The following ZNF609 variants were observed in gnomAD, a reference collection of about 807,000 sequenced individuals.
ZNF609 encodes zinc finger protein 609.
In ZNF609, 11 loss-of-function variants were observed where a neutral mutation model predicts 109.5. The ratio of observed to expected loss-of-function variants is 0.10; its 90% CI spans 0.06 to 0.17. The LOEUF is 0.17. Among genes scored for constraint, ZNF609 ranks in the 10% least tolerant of loss-of-function variants. The pLI is 1.00. For synonymous variants in ZNF609, 646 were observed against 662.0 expected (o/e 0.98, Z 0.37); for missense variants, 1,559 against 1,772.4 (o/e 0.88, Z 2.16).
chr15:64,593,331 G>T, intron 2 of ZNF609: 2 of 1,322,292 alleles, frequency 1.5e-6, no homozygotes, highest in Non-Finnish European at 1.1e-6. Context: ...ATGTAAGGAG[G>T]TGAGTTCTTA....
Position 64,676,109 on chromosome 15 carries a change from C to G in ZNF609, c.3255C>G (p.Asp1085Glu). Residue 1085 changes from aspartate to glutamate, a missense_variant, in exon 5 of 10, where the codon GAC becomes GAG. Physicochemically the swap from Asp to Glu is conservative, Grantham distance 45. Around this residue, in one of 4 missense-constraint regions of ZNF609, gnomAD observed 1,204 missense variants for 1,314.1 expected, o/e 0.92. Transcript: ENST00000326648. The stretch of plus-strand genomic sequence containing the variant: ...CAGTCATCATTCCCAAGTTAGATGA[C>G]TCTTCAAAACTCCCGGGCCAGGCCC... ...AKSVIIPKLD[D>E]SSKLPGQAPE... The G allele has an allele frequency of 1.9e-6, 3 of 1,614,254 alleles. No homozygotes were observed. The highest frequency in any genetic ancestry group is 2.5e-6 in the Non-Finnish European group (3 of 1,180,038).
chr15:64,529,179 G>T, intron 2 of ZNF609: 1 of 737,848 alleles, frequency 1.4e-6, no homozygotes, highest in Non-Finnish European at 2.5e-6. Flanking sequence ...AGTTGTCATG[G>T]ATGACCTTGG....
rs1043671813 is a variant in ZNF609, at chr15:64,489,656, A to G, written c.-127-9637A>G. On this transcript the variant is annotated intron_variant, in intron 1 of 9. Coordinates refer to ENST00000326648, the MANE Select transcript of ZNF609 (RefSeq NM_015042.2). ...GCGATTCTCCTGCCTCAGCCTCCCA[A>G]GTAGCTGGGATTACAGGCACCCGCC... Among the ~76,000 whole-genome samples the G allele has an allele frequency of 5.3e-5, 8 of 151,118 alleles. No individual in the cohort carries two copies. In the East Asian group the frequency reaches 1.2e-3, roughly 22 times the overall value.
rs1383101604 is a variant in ZNF609, at chr15:64,675,184, C to T, written c.2330C>T (p.Ser777Leu). ...AAAATGGAGGGGCTCCTAAATGGCT[C>T]ATCAGACCCCCACCAAAGCCGACTG... The part of the protein sequence containing the change: ...GMKMEGLLNG[S>L]SDPHQSRLAS... The change falls in exon 5 of 10, where the codon TCA (serine) becomes TTA (leucine). Residue 777 changes from serine to leucine, a missense_variant. By Grantham distance (145) the Ser-to-Leu change is moderately radical. This residue lies in a region of ZNF609 where 1,204 missense variants were observed against 1,314.1 expected (regional missense o/e 0.92). Transcript: ENST00000326648. 6.2e-7 allele frequency: 1 copy of T among 1,614,158 alleles called. No individual in the cohort carries two copies. Among genetic ancestry groups the T allele is most frequent in the Admixed American group, 1.7e-5 (1 of 60,030 alleles).
chr15:64,550,656 C>T (rs1451567760), intron 2 of ZNF609, among the ~76,000 whole-genome samples: 1 of 151,820 alleles, frequency 6.6e-6, no homozygotes, highest in Admixed American at 6.6e-5. Context: ...ACCAACATGA[C>T]GAAACCCTGT....
intron 2 of ZNF609, among the ~76,000 whole-genome samples, chr15:64,550,700 G>A (rs1485181954): frequency 6.6e-6 from 1 of 152,074 alleles, no homozygotes; most frequent in Admixed American, 6.6e-5. Context: ...GCTGGGTGTG[G>A]TGGCACATGC....
chr15:64,681,192 A>C (rs1219970038), intron 8 of ZNF609, 117 bp from the exon 9 acceptor site: 2 of 892,232 alleles, frequency 2.2e-6, no homozygotes, highest in African/African-American at 3.3e-5. Context: ...TATCTCCAGC[A>C]AATATATCTG....
At chr15:64,629,707 G>A (rs1448303794) in intron 3 of ZNF609, among the ~76,000 whole-genome samples, 2 of 152,132 alleles carry the variant, frequency 1.3e-5, no homozygotes, top group African/African-American at 4.8e-5. Context: ...TAGCCTTTTA[G>A]CTGGATACAT....
intron 3 of ZNF609, chr15:64,653,053 C>G (rs1473229700): frequency 6.6e-6 from 1 of 152,232 alleles, no homozygotes; most frequent in Non-Finnish European, 1.5e-5. Context: ...TCTTCCTAGA[C>G]AGGGCATCCA....
intron 2 of ZNF609, among the ~76,000 whole-genome samples, chr15:64,591,766 G>GC (rs1895302267): frequency 6.6e-6 from 1 of 151,884 alleles, no homozygotes; most frequent in Admixed American, 6.6e-5. Context: ...CTGTCACTAG[G>GC]CTGGAGTGCA....
intron 2 of ZNF609, among the ~76,000 whole-genome samples, chr15:64,590,661 C>T (rs959259240): frequency 1.7e-5 from 2 of 114,886 alleles, no homozygotes; most frequent in East Asian, 5.9e-4. Flanking sequence ...ATAACACACA[C>T]ACACATATAC....
intron 2 of ZNF609, among the ~76,000 whole-genome samples, chr15:64,565,426 G>T (rs936827033): frequency 1.3e-5 from 2 of 151,860 alleles, no homozygotes; most frequent in Non-Finnish European, 2.9e-5. Flanking sequence ...TGTTTTGCTT[G>T]TCTTTAAGTG....
At chr15:64,569,790 T>C (rs1423275945) in intron 2 of ZNF609, among the ~76,000 whole-genome samples, 2 of 152,258 alleles carry the variant, frequency 1.3e-5, no homozygotes, top group East Asian at 1.9e-4. Flanking sequence ...CTTTTGTGTG[T>C]ATCATTGAGA....
intron 2 of ZNF609, among the ~76,000 whole-genome samples, chr15:64,580,059 G>A (rs1469306407): frequency 6.6e-6 from 1 of 152,128 alleles, no homozygotes; most frequent in Non-Finnish European, 1.5e-5. Flanking sequence ...TTATCCAATG[G>A]TTCCAATGTA....
At chr15:64,475,994 G>C (rs183561689) in intron 1 of ZNF609, among the ~76,000 whole-genome samples, 308 of 152,290 alleles carry the variant, frequency 2.0e-3, no homozygotes, top group Non-Finnish European at 3.6e-3. Flanking sequence ...AAATTGTTCA[G>C]ATTCAAGGAC....
intron 2 of ZNF609, among the ~76,000 whole-genome samples, chr15:64,569,792 T>C (rs1185895979): frequency 6.6e-6 from 1 of 152,368 alleles, no homozygotes; most frequent in East Asian, 1.9e-4. Flanking sequence ...TTTGTGTGTA[T>C]CATTGAGAGC....
Position 64,675,243 on chromosome 15 carries a change from A to G in ZNF609, c.2389A>G (p.Ser797Gly). 6.2e-7 allele frequency: 1 copy of G among 1,614,086 alleles called. No homozygotes were observed. The highest frequency in any genetic ancestry group is 1.1e-5 in the South Asian group (1 of 91,086). ...SIKAEADKIY[S>G]FTDNAPSPSI... The stretch of plus-strand genomic sequence containing the variant: ...CAAGGCTGAAGCCGACAAGATCTAC[A>G]GTTTCACGGACAATGCCCCCAGCCC... Residue 797 changes from serine to glycine, a missense_variant, in exon 5 of 10, where the codon AGT becomes GGT. Ser to Gly is a moderately conservative substitution (Grantham distance 56). Around this residue, in one of 4 missense-constraint regions of ZNF609, gnomAD observed 1,204 missense variants for 1,314.1 expected, o/e 0.92. Transcript: ENST00000326648.
chr15:64,629,120 TTCTC>T (rs1193744334), intron 3 of ZNF609, among the ~76,000 whole-genome samples: 1 of 152,204 alleles, frequency 6.6e-6, no homozygotes, highest in Non-Finnish European at 1.5e-5. Flanking sequence ...TAACTGGTTA[TTCTC>T]TCTATTTTGT....
At chr15:64,640,495 T>C (rs907253527) in intron 3 of ZNF609, among the ~76,000 whole-genome samples, 1 of 152,170 alleles carries the variant, frequency 6.6e-6, no homozygotes, top group African/African-American at 2.4e-5. Flanking sequence ...AAAAATAGGT[T>C]TCAGCAGTTG....
Sources: gnomAD v4.1 joint callset for allele counts (sites outside exome capture counted in the v4.1 genomes callset) on GRCh38, gnomAD v4.1.1 for gene constraint, gnomAD v4.1.1 regional missense constraint, MANE v1.5 for transcripts, NCBI Gene and HGNC (gene_info 2026-07-23, HGNC 2026-07-21) for gene names.